Variants in PCDHA7 observed in about 807,000 individuals in gnomAD.
The protein encoded by PCDHA7 is protocadherin alpha 7, also known as protocadherin alpha-7.
Under a neutral mutation model 57.2 loss-of-function variants are expected in PCDHA7, and 37 were observed. The observed-to-expected ratio is 0.65, with a 90% CI of 0.50 to 0.85. The LOEUF (loss-of-function observed/expected upper bound fraction) is 0.85, where lower values mean the gene tolerates loss of function less well. PCDHA7 is among the 40% of genes least tolerant of loss of function. The pLI is 0.00. For missense variants in PCDHA7, 1,188 were observed against 1,241.8 expected (o/e 0.96, Z 0.65); for synonymous variants, 553 against 558.8 (o/e 0.99, Z 0.15).
At chr5:140,926,564 A>T in intron 1 of PCDHA7, 1 of 243,746 alleles carries the variant, frequency 4.1e-6, no homozygotes, top group Non-Finnish European at 7.8e-6. Flanking sequence ...GCCCGCTGCT[A>T]CTGGAGACAG....
chr5:140,842,743 C>T lies in PCDHA7; in HGVS notation c.2355+6005C>T, dbSNP rs140156445. On this transcript the variant is annotated intron_variant, in intron 1 of 3. Transcript: ENST00000525929. ...AGAACAACCCGCCGGGCTGCCACATCTTCACGGTGTCTGCGCGAGACGCGG... is the reference window on the plus strand; with the variant it reads ...AGAACAACCCGCCGGGCTGCCACATTTTCACGGTGTCTGCGCGAGACGCGG... The T allele has an allele frequency of 1.0e-5, 16 of 1,595,026 alleles. No homozygotes were observed. The African/African-American group carries it at 1.9e-4, about 19-fold the overall frequency.
At chr5:141,009,217 G>T (rs1554262066) in intron 3 of PCDHA7, among the ~76,000 whole-genome samples, 1 of 152,234 alleles carries the variant, frequency 6.6e-6, no homozygotes, top group African/African-American at 2.4e-5. Flanking sequence ...CACTTTGGGA[G>T]GCCAAGGTGG....
intron 3 of PCDHA7, among the ~76,000 whole-genome samples, chr5:141,001,681 A>G (rs2153971146): frequency 6.6e-6 from 1 of 151,672 alleles, no homozygotes; most frequent in East Asian, 2.0e-4. Context: ...GGTCCAACAA[A>G]CCCCACAGAT....
chr5:140,850,855 G>A (rs1484311028), intron 1 of PCDHA7: 1 of 1,595,156 alleles, frequency 6.3e-7, no homozygotes, highest in Non-Finnish European at 8.6e-7. Flanking sequence ...GAGCGAACGG[G>A]AGAACCCTCT....
intron 1 of PCDHA7, among the ~76,000 whole-genome samples, chr5:140,896,590 T>G (rs1338982892): frequency 6.6e-6 from 1 of 152,032 alleles, no homozygotes; most frequent in Non-Finnish European, 1.5e-5. Flanking sequence ...TTGGCCAGGC[T>G]GGTCTCGAAC....
chr5:140,952,406 T>G (rs2094740405), intron 1 of PCDHA7, among the ~76,000 whole-genome samples: 1 of 151,900 alleles, frequency 6.6e-6, no homozygotes, highest in Admixed American at 6.6e-5. Flanking sequence ...ATTCTCAAAT[T>G]TAATGTTCCG....
At chr5:140,945,304 C>T (rs993719774) in intron 1 of PCDHA7, among the ~76,000 whole-genome samples, 3 of 151,880 alleles carry the variant, frequency 2.0e-5, no homozygotes, top group African/African-American at 7.3e-5. Flanking sequence ...TTGAAGAAGA[C>T]ACAAATAAAT....
At chr5:140,897,772 C>T (rs1393087365) in intron 1 of PCDHA7, among the ~76,000 whole-genome samples, 2 of 152,192 alleles carry the variant, frequency 1.3e-5, no homozygotes, top group Non-Finnish European at 2.9e-5. Context: ...ACACTGACTT[C>T]CACAATGGTT....
chr5:140,845,374 TAGG>T (rs1779845907), intron 1 of PCDHA7, among the ~76,000 whole-genome samples: 1 of 149,664 alleles, frequency 6.7e-6, no homozygotes, highest in South Asian at 2.1e-4. Flanking sequence ...ATATCATAAA[TAGG>T]AGGATTCTTT....
chr5:140,990,898 G>A (rs1408537294), intron 3 of PCDHA7, among the ~76,000 whole-genome samples: 3 of 152,146 alleles, frequency 2.0e-5, no homozygotes, highest in Non-Finnish European at 4.4e-5. Context: ...GGTCGTTGCT[G>A]GGTCAAGTTT....
At chr5:140,890,112 T>C (rs2062493777) in intron 1 of PCDHA7, among the ~76,000 whole-genome samples, 1 of 152,184 alleles carries the variant, frequency 6.6e-6, no homozygotes, top group Non-Finnish European at 1.5e-5. Flanking sequence ...CTGGATTCAA[T>C]GATGTCACTT....
chr5:140,915,504 T>C (rs1554196920), intron 1 of PCDHA7, among the ~76,000 whole-genome samples: 1 of 152,136 alleles, frequency 6.6e-6, no homozygotes, highest in Non-Finnish European at 1.5e-5. Context: ...AATACTGTGG[T>C]TTTTGCAGAC....
chr5:140,886,602 C>A (rs1167539535), intron 1 of PCDHA7, among the ~76,000 whole-genome samples: 1 of 151,638 alleles, frequency 6.6e-6, no homozygotes, highest in Non-Finnish European at 1.5e-5. Flanking sequence ...CCAAGGTGGG[C>A]GGATCAGGAG....
intron 1 of PCDHA7, chr5:140,850,578 G>T: frequency 6.3e-7 from 1 of 1,598,460 alleles, no homozygotes; most frequent in Non-Finnish European, 8.6e-7. Context: ...GACGCTGGTG[G>T]ATGTCAACGT....
Position 140,870,991 on chromosome 5 carries a change from A to G in PCDHA7, c.2355+34253A>G, listed in dbSNP as rs782466247. On this transcript the variant is annotated intron_variant, in intron 1 of 3. Coordinates refer to ENST00000525929, the MANE Select transcript of PCDHA7 (RefSeq NM_018910.3). ...CCGCGTGGGGCTGTACACGGGCGAGATAAGCACAACGCGTGCCCTGGACGA... is the reference window on the plus strand; with the variant it reads ...CCGCGTGGGGCTGTACACGGGCGAGGTAAGCACAACGCGTGCCCTGGACGA... 10 of 1,613,364 alleles carry G rather than the reference A, an allele frequency of 6.2e-6. No individual in the cohort carries two copies. The East Asian group carries it at 1.1e-4, about 18-fold the overall frequency.
rs2150486791 is a variant in PCDHA7 at position 140,850,510 on chromosome 5, G to C, written c.2355+13772G>C. The C allele has an allele frequency of 3.8e-6, 6 of 1,598,136 alleles. No homozygotes were observed. In the African/African-American group the frequency reaches 4.0e-5, roughly 11 times the overall value. On this transcript the variant is annotated intron_variant, in intron 1 of 3. Coordinates refer to ENST00000525929, the MANE Select transcript of PCDHA7 (RefSeq NM_018910.3). ...ACTGTGCTGGTGTCGCTGGTGGAGA[G>C]CGGCCAGGCGCCAAAGTCATCGTCG...
intron 1 of PCDHA7, chr5:140,855,934 G>A (rs1581379026): frequency 1.5e-6 from 2 of 1,294,846 alleles, no homozygotes; most frequent in South Asian, 1.5e-5. Flanking sequence ...GCGTCATTCT[G>A]AGATCTCAGC....
chr5:140,988,411 A>T (rs2097296392), intron 3 of PCDHA7, among the ~76,000 whole-genome samples: 1 of 152,144 alleles, frequency 6.6e-6, no homozygotes, highest in Non-Finnish European at 1.5e-5. Flanking sequence ...TTCGCAGCTT[A>T]TGTAAAGAAT....
At chr5:140,888,321 A>G (rs2061786627) in intron 1 of PCDHA7, among the ~76,000 whole-genome samples, 1 of 152,176 alleles carries the variant, frequency 6.6e-6, no homozygotes, top group Non-Finnish European at 1.5e-5. Flanking sequence ...ATGCCTGGAT[A>G]CATTTTTGGT....
Sources: gnomAD v4.1 joint callset for allele counts (sites outside exome capture counted in the v4.1 genomes callset) on GRCh38, gnomAD v4.1.1 for gene constraint, MANE v1.5 for transcripts, NCBI Gene and HGNC (gene_info 2026-07-23, HGNC 2026-07-21) for gene names.